SULF1: variants seen among roughly 807,000 people sequenced by gnomAD.
SULF1 encodes the protein extracellular sulfatase Sulf-1.
Under a neutral mutation model 110.5 loss-of-function variants are expected in SULF1, and 46 were observed. The observed-to-expected ratio is 0.42, with a 90% CI of 0.33 to 0.53. The LOEUF is 0.53. Ranked by LOEUF, SULF1 falls within the 20% of genes least tolerant of loss-of-function variation. The pLI is 0.12. For missense variants in SULF1, 941 were observed against 1,094.2 expected (o/e 0.86, Z 1.98); for synonymous variants, 371 against 387.1 (o/e 0.96, Z 0.49).
intron 2 of SULF1, among the ~76,000 whole-genome samples, chr8:69,501,232 T>TA (rs1305160387): frequency 1.3e-5 from 2 of 152,340 alleles, no homozygotes; most frequent in East Asian, 3.9e-4. Flanking sequence ...TATGTTCTCT[T>TA]TTATATCATA....
chr8:69,564,217 G>T, intron 5 of SULF1, 70 bp downstream of exon 5: 1 of 1,564,260 alleles, frequency 6.4e-7, no homozygotes, highest in Non-Finnish European at 8.8e-7. Context: ...AGGATTATCA[G>T]GAGACATTCT....
At chr8:69,632,672 C>T (rs1368179497) in intron 19 of SULF1, among the ~76,000 whole-genome samples, 2 of 152,072 alleles carry the variant, frequency 1.3e-5, no homozygotes, top group Non-Finnish European at 1.5e-5. Context: ...TTAAAATAAA[C>T]ACACCGTCTA....
chr8:69,596,023 A>G (rs1280558410), intron 8 of SULF1, among the ~76,000 whole-genome samples: 1 of 152,176 alleles, frequency 6.6e-6, no homozygotes, highest in Non-Finnish European at 1.5e-5. Context: ...CACTCAGGAG[A>G]ATTGGCATGA....
chr8:69,630,924 C>T (rs1810475065), intron 19 of SULF1, among the ~76,000 whole-genome samples: 1 of 151,940 alleles, frequency 6.6e-6, no homozygotes, highest in South Asian at 2.1e-4. Context: ...CCCATTAACT[C>T]GTCATTTAGT....
At chr8:69,483,632 T>C (rs998242281) in intron 1 of SULF1, among the ~76,000 whole-genome samples, 1 of 152,046 alleles carries the variant, frequency 6.6e-6, no homozygotes, top group African/African-American at 2.4e-5. Flanking sequence ...AGAAAAGCAA[T>C]GTTCTTGCCG....
chr8:69,615,293 A>G (rs1809006245), intron 13 of SULF1, among the ~76,000 whole-genome samples: 1 of 152,216 alleles, frequency 6.6e-6, no homozygotes, highest in Non-Finnish European at 1.5e-5. Context: ...GCTTCCCTCT[A>G]TAAACTCTCT....
At chr8:69,584,539 C>A (rs1023106559) in intron 6 of SULF1, 1 of 152,120 alleles carries the variant, frequency 6.6e-6, no homozygotes, top group Non-Finnish European at 1.5e-5. Flanking sequence ...GGGGTGACAT[C>A]CCAATAAACC....
At chr8:69,520,723 C>T (rs914090892) in intron 3 of SULF1, among the ~76,000 whole-genome samples, 16 of 152,166 alleles carry the variant, frequency 1.1e-4, no homozygotes, top group African/African-American at 3.9e-4. Flanking sequence ...GCCTTAGGTT[C>T]CACCTGGTTT....
At chr8:69,580,791 A>G (rs1366608669) in intron 6 of SULF1, among the ~76,000 whole-genome samples, 1 of 152,206 alleles carries the variant, frequency 6.6e-6, no homozygotes, top group Non-Finnish European at 1.5e-5. Context: ...TTCTTTTGTC[A>G]TAAATCAAAA....
intron 2 of SULF1, among the ~76,000 whole-genome samples, chr8:69,500,281 G>A (rs1278455041): frequency 6.6e-6 from 1 of 152,086 alleles, no homozygotes; most frequent in African/African-American, 2.4e-5. Flanking sequence ...ATGTTTTCAT[G>A]TAATCCTCAC....
At chr8:69,610,809 C>T (rs1398534402) in intron 13 of SULF1, among the ~76,000 whole-genome samples, 2 of 152,218 alleles carry the variant, frequency 1.3e-5, no homozygotes, top group Non-Finnish European at 2.9e-5. Context: ...CCATCCTAAT[C>T]AGGTCCTCCT....
intron 13 of SULF1, among the ~76,000 whole-genome samples, chr8:69,619,088 A>T (rs1446197332): frequency 6.6e-6 from 1 of 152,168 alleles, no homozygotes; most frequent in Non-Finnish European, 1.5e-5. Context: ...ATTTGAATAT[A>T]TTTGAAAATA....
At chr8:69,513,418 G>T (rs1326225539) in intron 3 of SULF1, among the ~76,000 whole-genome samples, 1 of 152,194 alleles carries the variant, frequency 6.6e-6, no homozygotes, top group East Asian at 1.9e-4. Flanking sequence ...GTTGTGAAAG[G>T]CAAGAACTCC....
intron 7 of SULF1, among the ~76,000 whole-genome samples, chr8:69,588,016 G>T (rs1395512616): frequency 1.3e-5 from 2 of 152,114 alleles, no homozygotes; most frequent in African/African-American, 4.8e-5. Context: ...CAGCTGTTCT[G>T]GTCCTTAAAT....
chr8:69,623,288 C>A (rs1243325817), intron 14 of SULF1, among the ~76,000 whole-genome samples: 1 of 152,162 alleles, frequency 6.6e-6, no homozygotes, highest in Non-Finnish European at 1.5e-5. Flanking sequence ...TTTGAAAAAG[C>A]AGCCCAATGT....
At chr8:69,526,128 T>C (rs1363869620) in intron 3 of SULF1, among the ~76,000 whole-genome samples, 1 of 152,252 alleles carries the variant, frequency 6.6e-6, no homozygotes, top group East Asian at 1.9e-4. Context: ...AATACCTGGC[T>C]TCTGCAAGAC....
intron 3 of SULF1, among the ~76,000 whole-genome samples, chr8:69,531,340 C>T (rs1310572523): frequency 6.6e-6 from 1 of 152,112 alleles, no homozygotes; most frequent in Non-Finnish European, 1.5e-5. Flanking sequence ...AACAGTATCC[C>T]TTTTAAATTT....
intron 3 of SULF1, among the ~76,000 whole-genome samples, chr8:69,523,441 G>T (rs893243527): frequency 6.6e-6 from 1 of 152,080 alleles, no homozygotes; most frequent in Non-Finnish European, 1.5e-5. Flanking sequence ...GTATGTTTGC[G>T]AGGCAGTATT....
At chr8:69,625,556 T>G (rs555573053) in intron 15 of SULF1, among the ~76,000 whole-genome samples, 1 of 152,326 alleles carries the variant, frequency 6.6e-6, no homozygotes, top group East Asian at 1.9e-4. Context: ...TCTCGCTGGC[T>G]CAGCAGTGAA....
Sources: allele counts gnomAD v4.1 joint callset (sites outside exome capture counted in the v4.1 genomes callset), GRCh38; gene constraint gnomAD v4.1.1; transcripts MANE v1.5; gene names NCBI Gene and HGNC (gene_info 2026-07-23, HGNC 2026-07-21).